ATP11C: variants seen among roughly 807,000 people sequenced by gnomAD.
The protein encoded by ATP11C is phospholipid-transporting ATPase IG.
In ATP11C, 36 loss-of-function variants were observed where a neutral mutation model predicts 97.4. The ratio of observed to expected loss-of-function variants is 0.37; its 90% CI spans 0.28 to 0.49. The LOEUF is 0.49. ATP11C is among the 20% of genes least tolerant of loss of function. ATP11C has a pLI of 0.98. For missense variants in ATP11C, 730 were observed against 824.6 expected (o/e 0.89, Z 1.40); for synonymous variants, 275 against 290.9 (o/e 0.95, Z 0.56).
At chrX:139,818,379 C>T (rs1284003672) in intron 3 of ATP11C, among the ~76,000 whole-genome samples, 3 of 111,685 alleles carry the variant, frequency 2.7e-5, no homozygotes, top group Non-Finnish European at 5.6e-5. Flanking sequence ...TACTGCACAG[C>T]ACATAGTAGG....
rs200542850 is a variant in ATP11C at position 139,796,379 on chromosome X, T to C, written c.1100A>G (p.Lys367Arg). ...VSMYVTVEMQKFLGSFFISWD... is the reference protein window; with the variant it reads ...VSMYVTVEMQRFLGSFFISWD... ...TGAGATGAAGAAGGAGCCCAAGAAT[T>C]TCTGCATTTCTACTGTGACGTACAT... Residue 367 changes from lysine to arginine, a missense_variant, in exon 12 of 30, where the codon AAA (lysine) becomes AGA (arginine). By Grantham distance (26) the Lys-to-Arg change is conservative. Coordinates refer to ENST00000682941, the MANE Select transcript of ATP11C (RefSeq NM_001353812.2). 49 of 1,201,575 alleles carry C rather than the reference T, an allele frequency of 4.1e-5. No individual in the cohort carries two copies. In the East Asian group the frequency reaches 5.9e-4, roughly 15 times the overall value.
intron 29 of ATP11C, among the ~76,000 whole-genome samples, chrX:139,730,763 G>T (rs2081325831): frequency 9.0e-6 from 1 of 110,664 alleles, no homozygotes; most frequent in South Asian, 3.8e-4. Flanking sequence ...AAGCTTGGAA[G>T]CCTTGTTCAT....
At chrX:139,734,539 T>C (rs1488465020) in intron 28 of ATP11C, among the ~76,000 whole-genome samples, 1 of 111,767 alleles carries the variant, frequency 8.9e-6, no homozygotes, top group Non-Finnish European at 1.9e-5. Flanking sequence ...ATTTGCTACT[T>C]GGCCAGAAAC....
intron 3 of ATP11C, among the ~76,000 whole-genome samples, chrX:139,817,625 T>C (rs1246703027): frequency 1.8e-5 from 2 of 112,348 alleles, no homozygotes; most frequent in Admixed American, 1.9e-4. Context: ...AGATCATTCT[T>C]ACTGCTCTGT....
chrX:139,862,423 G>A (rs1340151197), intron 1 of ATP11C, among the ~76,000 whole-genome samples: 2 of 111,483 alleles, frequency 1.8e-5, no homozygotes, highest in African/African-American at 3.3e-5. Flanking sequence ...CAATTTTGGG[G>A]ACTGCGCCCT....
In ATP11C at chrX:139,733,495, G is replaced by A. The variant is rs188506832; in HGVS notation, c.3289-1740C>T. 3.3e-3 allele frequency among the ~76,000 whole-genome samples: 373 copies of A among 112,055 alleles called. 6 individuals carry two copies. Among genetic ancestry groups the A allele is most frequent in the Admixed American group, 0.033 (345 of 10,611 alleles). On this transcript the variant is annotated intron_variant, in intron 28 of 29. Coordinates refer to ENST00000682941, the MANE Select transcript of ATP11C (RefSeq NM_001353812.2). ...CTAATAAACAATTAAACTTTCAAAGGTAAATAATTTATTCATGTTTTGACA... is the reference window on the plus strand; with the variant it reads ...CTAATAAACAATTAAACTTTCAAAGATAAATAATTTATTCATGTTTTGACA...
chrX:139,824,523 T>C (rs780527155), intron 2 of ATP11C, among the ~76,000 whole-genome samples: 54 of 111,319 alleles, frequency 4.9e-4, no homozygotes, highest in Non-Finnish European at 8.7e-4. Flanking sequence ...CCATCTCTAC[T>C]AAAAATACAA....
intron 1 of ATP11C, among the ~76,000 whole-genome samples, chrX:139,862,703 C>T (rs1306039260): frequency 9.0e-6 from 1 of 111,331 alleles, no homozygotes; most frequent in Non-Finnish European, 1.9e-5. Context: ...ATAACTAAAT[C>T]ACTCAAAGTC....
intron 1 of ATP11C, among the ~76,000 whole-genome samples, chrX:139,856,353 C>T (rs1172198293): frequency 8.8e-6 from 1 of 112,996 alleles, no homozygotes; most frequent in African/African-American, 3.2e-5. Context: ...TCTCCCTTGA[C>T]AGGGAGGAAA....
intron 1 of ATP11C, among the ~76,000 whole-genome samples, chrX:139,831,616 T>C (rs945640503): frequency 9.0e-6 from 1 of 111,540 alleles, no homozygotes; most frequent in Admixed American, 9.6e-5. Context: ...GGCTCAGAAA[T>C]TGTGGCTCTA....
chrX:139,750,872 C>T (rs1362538346), intron 23 of ATP11C, among the ~76,000 whole-genome samples: 1 of 111,434 alleles, frequency 9.0e-6, no homozygotes, highest in African/African-American at 3.3e-5. Flanking sequence ...TATTATAAAT[C>T]TTCCTTTATT....
chrX:139,796,224 A>T (rs775328913), intron 12 of ATP11C, 49 bp downstream of exon 12: 112 of 977,888 alleles, frequency 1.1e-4, no homozygotes, highest in Non-Finnish European at 1.5e-4. Context: ...ACACAAAAAG[A>T]TATTTTCACT....
intron 1 of ATP11C, among the ~76,000 whole-genome samples, chrX:139,875,565 C>T (rs1237935653): frequency 9.1e-6 from 1 of 110,493 alleles, no homozygotes; most frequent in East Asian, 2.8e-4. Context: ...CCACTGCACT[C>T]CAGCCTGGGC....
intron 18 of ATP11C, among the ~76,000 whole-genome samples, chrX:139,775,155 C>T (rs891986585): frequency 2.7e-5 from 3 of 112,033 alleles, no homozygotes; most frequent in Non-Finnish European, 5.6e-5. Context: ...AAATTTCAAA[C>T]AATGAGGTTC....
intron 1 of ATP11C, among the ~76,000 whole-genome samples, chrX:139,878,007 G>A (rs766686765): frequency 9.0e-6 from 1 of 111,461 alleles, no homozygotes; most frequent in Admixed American, 9.5e-5. Context: ...TGGACAAAGA[G>A]CAAGTGAGAC....
intron 1 of ATP11C, among the ~76,000 whole-genome samples, chrX:139,887,218 T>C (rs1333124504): frequency 1.8e-5 from 2 of 112,315 alleles, no homozygotes; most frequent in Non-Finnish European, 3.8e-5. Context: ...AAATTCATCA[T>C]AGACTGAAAT....
chrX:139,798,630 G>A (rs767472213), intron 9 of ATP11C, 49 bp downstream of exon 9: 86 of 995,044 alleles, frequency 8.6e-5, no homozygotes, highest in Non-Finnish European at 1.2e-4. Context: ...TTTATTCACA[G>A]CCTTTACAAA....
chrX:139,850,176 G>A (rs2083967949), intron 1 of ATP11C, among the ~76,000 whole-genome samples: 1 of 111,149 alleles, frequency 9.0e-6, no homozygotes, highest in African/African-American at 3.3e-5. Flanking sequence ...GGTAGGGGCT[G>A]GAAGAACCTG....
chrX:139,853,833 C>CA (rs934664774), intron 1 of ATP11C, among the ~76,000 whole-genome samples: 3,279 of 21,224 alleles, frequency 0.15, 646 homozygotes, highest in African/African-American at 0.3. Context: ...TATCCTAAGT[C>CA]AAAAAAAAAA....
Sources: gnomAD v4.1 joint callset for allele counts (sites outside exome capture counted in the v4.1 genomes callset) on GRCh38, gnomAD v4.1.1 for gene constraint, MANE v1.5 for transcripts, NCBI Gene and HGNC (gene_info 2026-07-23, HGNC 2026-07-21) for gene names.